The following PDSS2 variants were observed in gnomAD, a reference collection of about 807,000 sequenced individuals.
PDSS2 encodes all trans-polyprenyl-diphosphate synthase PDSS2.
Under a neutral mutation model 44.5 loss-of-function variants are expected in PDSS2, and 31 were observed. That is an observed-to-expected ratio of 0.70 (90% CI 0.52 to 0.94). The LOEUF is 0.94. Ranked by LOEUF, PDSS2 falls within the 40% of genes least tolerant of loss-of-function variation. The pLI is 0.00. For synonymous variants in PDSS2, 157 were observed against 180.3 expected (o/e 0.87, Z 1.03); for missense variants, 452 against 482.2 (o/e 0.94, Z 0.59).
intron 7 of PDSS2, among the ~76,000 whole-genome samples, chr6:107,160,599 G>T: frequency 6.6e-6 from 1 of 151,718 alleles, no homozygotes. Flanking sequence ...TGATCCTCCT[G>T]CCCCTCGCCT....
At chr6:107,345,257 C>A (rs1778205924) in intron 1 of PDSS2, among the ~76,000 whole-genome samples, 1 of 150,954 alleles carries the variant, frequency 6.6e-6, no homozygotes, top group Non-Finnish European at 1.5e-5. Context: ...GTTCCAGTTT[C>A]AATAGAATCT....
intron 2 of PDSS2, among the ~76,000 whole-genome samples, chr6:107,315,572 TAA>T (rs1324662407): frequency 2.6e-5 from 4 of 152,120 alleles, no homozygotes; most frequent in Non-Finnish European, 4.4e-5. Context: ...GACCCTGTGA[TAA>T]GAGTCTGAGA....
At chr6:107,213,683 G>A (rs2114643916) in intron 4 of PDSS2, among the ~76,000 whole-genome samples, 1 of 152,224 alleles carries the variant, frequency 6.6e-6, no homozygotes, top group African/African-American at 2.4e-5. Flanking sequence ...CTTGAACCTG[G>A]GTGGGAGAGG....
intron 4 of PDSS2, among the ~76,000 whole-genome samples, chr6:107,230,936 C>T (rs1244971037): frequency 2.0e-5 from 3 of 152,034 alleles, no homozygotes; most frequent in Non-Finnish European, 2.9e-5. Context: ...AGGCGGGGCA[C>T]GGTGGCTCAT....
chr6:107,344,921 G>C (rs1265331544), intron 1 of PDSS2, among the ~76,000 whole-genome samples: 1 of 152,036 alleles, frequency 6.6e-6, no homozygotes, highest in Non-Finnish European at 1.5e-5. Context: ...GGAAAATAGG[G>C]CCATTTAAAA....
chr6:107,458,159 C>T (rs1158642860), intron 1 of PDSS2, among the ~76,000 whole-genome samples: 1 of 150,862 alleles, frequency 6.6e-6, no homozygotes. Flanking sequence ...AAACTAATTA[C>T]AATTCAGGTG....
At position 107,458,412 on chromosome 6, in the gene PDSS2, CA is replaced by C. The variant is rs60758453; in HGVS notation, c.296+577del. Reference sequence around the variant, plus strand: ...TGGGCGACAAAGCGAGACTCCGTCTCAAAAAAAAAAAAAAAAAAAACTTTTA... The same window carrying C: ...TGGGCGACAAAGCGAGACTCCGTCTCAAAAAAAAAAAAAAAAAAACTTTTA... On this transcript the variant is annotated intron_variant, in intron 1 of 7. Transcript: ENST00000369037. Among the ~76,000 whole-genome samples, 47 of 78,152 alleles carry C rather than the reference CA, an allele frequency of 6.0e-4. 1 individual carries two copies. Among genetic ancestry groups the C allele is most frequent in the African/African-American group, 1.7e-3 (27 of 15,630 alleles). 51.3% of individuals were successfully genotyped at this position (78,152 alleles called of 152,430 possible).
intron 1 of PDSS2, among the ~76,000 whole-genome samples, chr6:107,419,129 T>A (rs1035733573): frequency 1.3e-5 from 2 of 152,146 alleles, no homozygotes; most frequent in African/African-American, 4.8e-5. Flanking sequence ...TCATTTTTTT[T>A]AACCCACATA....
In PDSS2 at chr6:107,231,018, G is replaced by C. The variant is rs139718771; in HGVS notation, c.702+14530C>G. Among the ~76,000 whole-genome samples the C allele has an allele frequency of 5.7e-3, 860 of 152,132 alleles. 8 individuals are homozygous for C. The highest frequency in any genetic ancestry group is 0.019 in the African/African-American group (808 of 41,506). Reference sequence around the variant, plus strand: ...GAACCCAGGAGTTTGAGACCAGCCTGGGCAAGATGGTAAGACCCCATCTCT... The same window carrying C: ...GAACCCAGGAGTTTGAGACCAGCCTCGGCAAGATGGTAAGACCCCATCTCT... On this transcript the variant is annotated intron_variant, in intron 4 of 7. Transcript: ENST00000369037.
intron 4 of PDSS2, among the ~76,000 whole-genome samples, chr6:107,238,606 G>A (rs1394212598): frequency 6.6e-6 from 1 of 152,200 alleles, no homozygotes; most frequent in Non-Finnish European, 1.5e-5. Context: ...TTAGTGGTGA[G>A]GGTTTTTATT....
chr6:107,203,752 C>CT (rs1250658105), intron 6 of PDSS2, among the ~76,000 whole-genome samples: 18 of 152,098 alleles, frequency 1.2e-4, no homozygotes, highest in African/African-American at 4.3e-4. Context: ...TCACCACTAA[C>CT]AAGTGCCGAA....
chr6:107,399,842 T>C (rs1365635187), intron 1 of PDSS2, among the ~76,000 whole-genome samples: 2 of 152,276 alleles, frequency 1.3e-5, no homozygotes, highest in African/African-American at 4.8e-5. Flanking sequence ...TCTTTTTTTT[T>C]CCCTCAAAAA....
At chr6:107,168,987 G>A (rs1352812906) in intron 7 of PDSS2, among the ~76,000 whole-genome samples, 6 of 152,046 alleles carry the variant, frequency 3.9e-5, no homozygotes, top group African/African-American at 1.4e-4. Context: ...GTATCTTTGT[G>A]GCGTTCTCTG....
Position 107,199,626 on chromosome 6 carries a change from G to A in PDSS2, c.1009-5772C>T, listed in dbSNP as rs574993452. Among the ~76,000 whole-genome samples the A allele has an allele frequency of 7.4e-4, 112 of 152,302 alleles. 1 individual carries two copies. Among genetic ancestry groups the A allele is most frequent in the African/African-American group, 2.5e-3 (105 of 41,570 alleles). ...CACAATACTGTTTTAGATATGCTTC[G>A]TCTACAATCTCCCAAGCTCCATGAA... is the stretch of plus-strand genomic sequence containing the variant. On this transcript the variant is annotated intron_variant, in intron 6 of 7. Transcript: ENST00000369037.
chr6:107,178,295 A>G (rs11964293), intron 7 of PDSS2, among the ~76,000 whole-genome samples: 2 of 152,296 alleles, frequency 1.3e-5, no homozygotes, highest in East Asian at 3.9e-4. Context: ...GGGCCAATGT[A>G]TGAGGTGAAG....
At chr6:107,254,209 T>A (rs1774928391) in intron 3 of PDSS2, among the ~76,000 whole-genome samples, 1 of 151,886 alleles carries the variant, frequency 6.6e-6, no homozygotes, top group Non-Finnish European at 1.5e-5. Context: ...AATTTTTGTA[T>A]TTTTAGTAGA....
Position 107,193,846 on chromosome 6 carries a change from T to C in PDSS2, c.1017A>G (p.Glu339=). 1 of 1,568,604 alleles carries C rather than the reference T, an allele frequency of 6.4e-7. No homozygotes were observed. The highest frequency in any genetic ancestry group is 1.3e-5 in the African/African-American group (1 of 74,182). The change falls in exon 7 of 8, where the codon GAA becomes GAG. Residue 339 remains glutamate, a synonymous_variant. Coordinates refer to ENST00000369037, the MANE Select transcript of PDSS2 (RefSeq NM_020381.4). ...LWIKQIGEAQ[E]KGRLDYAKLR... ...CCTTAGCATAGTCCAATCTTCCTTTTTCTTGAGCCTACAAAAGAAGAGGGG... is the reference window on the plus strand; with the variant it reads ...CCTTAGCATAGTCCAATCTTCCTTTCTCTTGAGCCTACAAAAGAAGAGGGG...
At chr6:107,403,203 T>C (rs1355921991) in intron 1 of PDSS2, among the ~76,000 whole-genome samples, 1 of 152,176 alleles carries the variant, frequency 6.6e-6, no homozygotes, top group Non-Finnish European at 1.5e-5. Flanking sequence ...ACAGGCCCCA[T>C]GCAAGTCCGA....
intron 2 of PDSS2, among the ~76,000 whole-genome samples, chr6:107,332,616 G>GA (rs59929312): frequency 0.16 from 23,060 of 147,544 alleles, 2,071 homozygotes; most frequent in East Asian, 0.26. Flanking sequence ...ATGTAATCAA[G>GA]AAAAAAAAAA....
Sources: allele counts gnomAD v4.1 joint callset (sites outside exome capture counted in the v4.1 genomes callset), GRCh38; gene constraint gnomAD v4.1.1; transcripts MANE v1.5; gene names NCBI Gene and HGNC (gene_info 2026-07-23, HGNC 2026-07-21).